NAALADL2: variants seen among roughly 807,000 people sequenced by gnomAD.
NAALADL2 encodes N-acetylated alpha-linked acidic dipeptidase like 2, also known as inactive N-acetylated-alpha-linked acidic dipeptidase-like protein 2.
A neutral mutation model predicts 87.2 loss-of-function variants in NAALADL2; 76 were observed. The observed-to-expected ratio is 0.87, with a 90% confidence interval of 0.72 to 1.05. NAALADL2 has a LOEUF of 1.05. Ranked by LOEUF, NAALADL2 falls within the 50% of genes least tolerant of loss-of-function variation. The pLI is 0.00. For missense variants in NAALADL2, 1,089 were observed against 945.8 expected, an observed-to-expected ratio of 1.15 and a Z score of -1.99; for synonymous variants, 354 against 331.0, an observed-to-expected ratio of 1.07 and a Z score of -0.75.
At chr3:175,507,392 A>G (rs1057006512) in intron 9 of NAALADL2, among the ~76,000 whole-genome samples, 1 of 151,982 alleles carries the variant, frequency 6.6e-6, no homozygotes, top group Non-Finnish European at 1.5e-5. Flanking sequence ...CCTAATCTAA[A>G]TCTTTCTTAT....
intron 11 of NAALADL2, among the ~76,000 whole-genome samples, chr3:175,713,065 T>C (rs993759445): frequency 6.6e-6 from 1 of 152,120 alleles, no homozygotes; most frequent in African/African-American, 2.4e-5. Flanking sequence ...CTAGACACAA[T>C]TTAATAATAA....
chr3:175,100,304 A>T (rs2108403544), intron 2 of NAALADL2, among the ~76,000 whole-genome samples: 1 of 152,244 alleles, frequency 6.6e-6, no homozygotes, highest in South Asian at 2.1e-4. Context: ...GAGAAGCAAA[A>T]GCTAGGGAGA....
At chr3:175,186,896 T>C (rs1737411651) in intron 2 of NAALADL2, among the ~76,000 whole-genome samples, 1 of 151,500 alleles carries the variant, frequency 6.6e-6, no homozygotes, top group Admixed American at 6.6e-5. Flanking sequence ...TTTCATGCAA[T>C]AGGGAAAATA....
intron 1 of NAALADL2, among the ~76,000 whole-genome samples, chr3:174,991,454 AT>A (rs200083368): frequency 1.5e-5 from 2 of 131,334 alleles, no homozygotes; most frequent in Non-Finnish European, 3.1e-5. Context: ...ATAAAAACAT[AT>A]TTTTAGAGAC....
intron 10 of NAALADL2, among the ~76,000 whole-genome samples, chr3:175,586,270 G>T (rs1720526519): frequency 6.8e-6 from 1 of 146,294 alleles, no homozygotes; most frequent in Non-Finnish European, 1.5e-5. Flanking sequence ...AGACTACAAA[G>T]AAGACATAGC....
intron 6 of NAALADL2, among the ~76,000 whole-genome samples, chr3:175,457,513 G>A (rs775878600): frequency 2.0e-5 from 3 of 151,984 alleles, no homozygotes; most frequent in Non-Finnish European, 4.4e-5. Context: ...TGCCAATGGT[G>A]ACTTTCCAAC....
chr3:175,469,953 C>T (rs1437044065), intron 8 of NAALADL2, among the ~76,000 whole-genome samples: 10 of 152,016 alleles, frequency 6.6e-5, no homozygotes, highest in African/African-American at 1.2e-4. Flanking sequence ...CATTTATGTG[C>T]GCTTAAAATG....
chr3:175,016,658 T>C (rs966005379), intron 1 of NAALADL2, among the ~76,000 whole-genome samples: 1 of 151,942 alleles, frequency 6.6e-6, no homozygotes, highest in Admixed American at 6.6e-5. Flanking sequence ...TATTAAGCCA[T>C]GCATTTTTAA....
chr3:174,869,300 A>G (rs1042999135), intron 1 of NAALADL2, among the ~76,000 whole-genome samples: 1 of 152,020 alleles, frequency 6.6e-6, no homozygotes, highest in Non-Finnish European at 1.5e-5. Flanking sequence ...AAATGGGAGA[A>G]AGAAGAGTGG....
intron 10 of NAALADL2, among the ~76,000 whole-genome samples, chr3:175,626,855 A>G (rs1007393789): frequency 6.6e-6 from 1 of 151,838 alleles, no homozygotes; most frequent in Admixed American, 6.6e-5. Context: ...TTCACATTAC[A>G]TTTTAACTAC....
intron 2 of NAALADL2, among the ~76,000 whole-genome samples, chr3:174,734,201 G>A (rs1732975083): frequency 6.6e-6 from 1 of 152,250 alleles, no homozygotes; most frequent in Non-Finnish European, 1.5e-5. Context: ...GAATTAGGTA[G>A]TGATTTCCAA....
At chr3:174,674,407 A>G (rs1344242846) in intron 2 of NAALADL2, among the ~76,000 whole-genome samples, 1 of 152,002 alleles carries the variant, frequency 6.6e-6, no homozygotes, top group African/African-American at 2.4e-5. Flanking sequence ...ATTCCAAGCC[A>G]TACATGTCTT....
At chr3:175,160,066 G>A (rs1191327235) in intron 2 of NAALADL2, among the ~76,000 whole-genome samples, 5 of 147,762 alleles carry the variant, frequency 3.4e-5, no homozygotes, top group Non-Finnish European at 6.0e-5. Flanking sequence ...CTCGAACTCC[G>A]AACCTCAAAT....
At position 175,400,638 on chromosome 3, in the gene NAALADL2, A is replaced by C. The variant is rs191835838; in HGVS notation, c.1091-46591A>C. Among the ~76,000 whole-genome samples, 37 of 152,280 alleles carry C rather than the reference A, an allele frequency of 2.4e-4. No individual in the cohort carries two copies. The East Asian group carries it at 6.4e-3, about 26-fold the overall frequency. On this transcript the variant is annotated intron_variant, in intron 5 of 13. Coordinates refer to ENST00000454872, the MANE Select transcript of NAALADL2 (RefSeq NM_207015.3). ...TATTTATAACCCAAAACAATAAAAC[A>C]AACCTAGGATATAAAGCTTAAAGTT...
chr3:174,499,460 A>C (rs1453032584), intron 1 of NAALADL2, among the ~76,000 whole-genome samples: 1 of 152,068 alleles, frequency 6.6e-6, no homozygotes, highest in African/African-American at 2.4e-5. Context: ...TCTTTTATAG[A>C]GTGTTCCTTT....
chr3:175,765,861 T>A (rs149381871), intron 13 of NAALADL2, among the ~76,000 whole-genome samples: 19 of 152,224 alleles, frequency 1.2e-4, no homozygotes, highest in African/African-American at 3.8e-4. Flanking sequence ...GTCTTATTAT[T>A]CCCTTTATAC....
rs139267854 is a variant in NAALADL2, at chr3:175,656,025, A to G, written c.1896+28639A>G. Among the ~76,000 whole-genome samples the G allele has an allele frequency of 7.7e-3, 1,179 of 152,322 alleles. 18 individuals carry two copies. The highest frequency in any genetic ancestry group is 0.026 in the African/African-American group (1,095 of 41,580). On this transcript the variant is annotated intron_variant, in intron 11 of 13. Coordinates refer to ENST00000454872, the MANE Select transcript of NAALADL2 (RefSeq NM_207015.3). ...AGGTGGCTGAGTTACAGAGTTTTCAAGTGGCTTATCTAATGTCCTTTGGCT... is the reference window on the plus strand; with the variant it reads ...AGGTGGCTGAGTTACAGAGTTTTCAGGTGGCTTATCTAATGTCCTTTGGCT...
chr3:174,879,844 C>T (rs1319831563), intron 1 of NAALADL2, among the ~76,000 whole-genome samples: 1 of 152,030 alleles, frequency 6.6e-6, no homozygotes, highest in East Asian at 1.9e-4. Flanking sequence ...TTATCAGCGT[C>T]ACTAATTACC....
chr3:174,683,698 T>A (rs1727772345), intron 2 of NAALADL2, among the ~76,000 whole-genome samples: 1 of 133,786 alleles, frequency 7.5e-6, no homozygotes, highest in Non-Finnish European at 1.6e-5. Flanking sequence ...CATTTGGAAT[T>A]TCTGGAACCT....
Sources: gnomAD v4.1 joint callset for allele counts (sites outside exome capture counted in the v4.1 genomes callset) on GRCh38, gnomAD v4.1.1 for gene constraint, MANE v1.5 for transcripts, NCBI Gene and HGNC (gene_info 2026-07-23, HGNC 2026-07-21) for gene names.